The following FANCI variants were observed in gnomAD, a reference collection of about 807,000 sequenced individuals.
The protein encoded by FANCI is FA complementation group I, also known as Fanconi anemia group I protein.
A neutral mutation model predicts 176.1 loss-of-function variants in FANCI; 156 were observed. The observed-to-expected ratio is 0.89, with a 90% CI of 0.78 to 1.01. FANCI has a LOEUF of 1.01. Ranked by LOEUF, FANCI falls within the 50% of genes least tolerant of loss-of-function variation. The pLI is 0.00. For missense variants in FANCI, 1,678 were observed against 1,534.1 expected (o/e 1.09, Z -1.57); for synonymous variants, 613 against 541.7 (o/e 1.13, Z -1.83).
chr15:89,268,860 T>G (rs1410933645), intron 10 of FANCI, among the ~76,000 whole-genome samples: 1 of 152,208 alleles, frequency 6.6e-6, no homozygotes, highest in African/African-American at 2.4e-5. Flanking sequence ...AAGTAGATTA[T>G]GTGTCACTGT....
chr15:89,301,473 G>A (rs1307571842), intron 27 of FANCI, 31 bp downstream of exon 27: 1 of 1,401,106 alleles, frequency 7.1e-7, no homozygotes, highest in Admixed American at 1.7e-5. Flanking sequence ...ATCCCATTTA[G>A]CATTCCTCAG....
chr15:89,291,697 T>C lies in FANCI; in HGVS notation c.1975T>C (p.Ser659Pro), dbSNP rs2054076155. Residue 659 changes from serine to proline, a missense_variant, in exon 20 of 38, where the codon TCT (serine) becomes CCT (proline). By Grantham distance (74) the Ser-to-Pro change is moderately conservative (BLOSUM62 -1). Coordinates refer to ENST00000310775, the MANE Select transcript of FANCI (RefSeq NM_001113378.2). ...ACILTQGDKI[S>P]LQEPLDYLLC... is the part of the protein sequence containing the mutation. ...TATTCTGACCCAAGGAGATAAGATC[T>C]CTCTACAAGAACCACTGGTGAGACT... 2 of 1,613,522 alleles carry C rather than the reference T, an allele frequency of 1.2e-6. No homozygotes were observed. The highest frequency in any genetic ancestry group is 2.2e-5 in the South Asian group (2 of 91,074).
chr15:89,273,511 TAAAAA>T lies in FANCI; in HGVS notation c.975+62_975+66del, dbSNP rs34985075. On this transcript the variant is annotated intron_variant, in intron 11 of 37. Coordinates refer to ENST00000310775, the MANE Select transcript of FANCI (RefSeq NM_001113378.2). ...CCATTTTGTTTCTTTCTGTAGTTGG[TAAAAA>T]AAAAAAAAAAAAAAAAAAATCACAG... The T allele has an allele frequency of 7.5e-3, 3,550 of 473,556 alleles. 10 individuals carry two copies. Among genetic ancestry groups the T allele is most frequent in the African/African-American group, 0.025 (857 of 33,710 alleles). 29.3% of individuals were successfully genotyped at this position (473,556 alleles called of 1,614,324 possible).
intron 12 of FANCI, among the ~76,000 whole-genome samples, chr15:89,276,088 G>A (rs1273972251): frequency 6.6e-6 from 1 of 152,116 alleles, no homozygotes; most frequent in African/African-American, 2.4e-5. Context: ...AATTTAACAG[G>A]TAGATATAAT....
At position 89,282,193 on chromosome 15, in the gene FANCI, A is replaced by G. The variant is rs2053641009; in HGVS notation, c.1583+358A>G. 4 of 307,172 alleles carry G rather than the reference A, an allele frequency of 1.3e-5. No homozygotes were observed. The Admixed American group carries it at 1.3e-4, about 10-fold the overall frequency. 19.0% of individuals were successfully genotyped at this position (307,172 alleles called of 1,614,324 possible). ...GATGTCAAGTACTTTGCTCTACTAC[A>G]TTAGAATAATCTTCAGGGTAATGTT... On this transcript the variant is annotated intron_variant, in intron 16 of 37. Coordinates refer to ENST00000310775, the MANE Select transcript of FANCI (RefSeq NM_001113378.2).
At chr15:89,295,686 C>T (rs886484487) in intron 24 of FANCI, among the ~76,000 whole-genome samples, 3 of 150,802 alleles carry the variant, frequency 2.0e-5, no homozygotes, top group African/African-American at 7.3e-5. Flanking sequence ...AAAAAAAGTG[C>T]AGTCATTGAC....
At chr15:89,313,100 C>T in intron 35 of FANCI, 128 bp downstream of exon 35, 1 of 960,884 alleles carries the variant, frequency 1.0e-6, no homozygotes, top group Non-Finnish European at 1.6e-6. Flanking sequence ...CAGAATAAAT[C>T]ATCTAAAAAG....
chr15:89,310,150 T>C (rs2054897801), intron 34 of FANCI, among the ~76,000 whole-genome samples: 1 of 152,226 alleles, frequency 6.6e-6, no homozygotes, highest in South Asian at 2.1e-4. Context: ...ACACTTTTTC[T>C]GTAAAGGGCC....
chr15:89,258,108 C>T (rs541598692), intron 2 of FANCI, among the ~76,000 whole-genome samples: 1 of 152,058 alleles, frequency 6.6e-6, no homozygotes, highest in Admixed American at 6.5e-5. Flanking sequence ...CTCAAATATG[C>T]CAAGTTCTTT....
intron 3 of FANCI, among the ~76,000 whole-genome samples, chr15:89,260,161 A>G (rs769513146): frequency 3.3e-5 from 5 of 151,988 alleles, no homozygotes; most frequent in Non-Finnish European, 7.4e-5. Context: ...CACTTTTTCT[A>G]CATGATCCAG....
intron 18 of FANCI, among the ~76,000 whole-genome samples, chr15:89,289,567 A>G (rs1348302983): frequency 6.6e-6 from 1 of 151,724 alleles, no homozygotes; most frequent in Non-Finnish European, 1.5e-5. Flanking sequence ...TGGCCTTCCA[A>G]AGTGCTGGGA....
At chr15:89,300,440 G>A in intron 26 of FANCI, 55 bp downstream of exon 26, 1 of 1,490,004 alleles carries the variant, frequency 6.7e-7, no homozygotes, top group South Asian at 1.1e-5. Flanking sequence ...CAAAGGAACT[G>A]TTAGCAGGGG....
intron 27 of FANCI, among the ~76,000 whole-genome samples, chr15:89,301,817 A>AGGCAGTTGACATTC (rs1283228908): frequency 6.6e-6 from 1 of 152,220 alleles, no homozygotes; most frequent in East Asian, 1.9e-4. Context: ...ATTATGAAGA[A>AGGCAGTTGACATTC]GGCAGTTGAC....
chr15:89,263,385 TAAAG>T, intron 6 of FANCI, 30 bp from the exon 7 acceptor site: 1 of 1,588,126 alleles, frequency 6.3e-7, no homozygotes, highest in Non-Finnish European at 8.6e-7. Flanking sequence ...AAATAAGTTG[TAAAG>T]AAATAAACTT....
At chr15:89,251,336 A>G (rs1444372251) in intron 2 of FANCI, among the ~76,000 whole-genome samples, 2 of 152,232 alleles carry the variant, frequency 1.3e-5, no homozygotes, top group Admixed American at 6.5e-5. Flanking sequence ...TCGTACAAAA[A>G]CACCAGGCCC....
intron 2 of FANCI, among the ~76,000 whole-genome samples, chr15:89,250,990 A>G (rs543033590): frequency 2.0e-5 from 3 of 152,066 alleles, no homozygotes; most frequent in Non-Finnish European, 2.9e-5. Context: ...GGAAATTAAT[A>G]AAGTAGAGAA....
chr15:89,308,526 C>T (rs944994491), intron 34 of FANCI, among the ~76,000 whole-genome samples: 1 of 152,192 alleles, frequency 6.6e-6, no homozygotes, highest in African/African-American at 2.4e-5. Context: ...AGCAATGGAT[C>T]GTGACCACTT....
At chr15:89,251,314 G>A (rs952975276) in intron 2 of FANCI, among the ~76,000 whole-genome samples, 1 of 152,182 alleles carries the variant, frequency 6.6e-6, no homozygotes, top group African/African-American at 2.4e-5. Flanking sequence ...AGAAAGTTAT[G>A]AAGGAACTAC....
At chr15:89,291,218 A>G (rs887619074) in intron 19 of FANCI, among the ~76,000 whole-genome samples, 1 of 152,204 alleles carries the variant, frequency 6.6e-6, no homozygotes, top group African/African-American at 2.4e-5. Context: ...ATGATTATTA[A>G]TAATATCCTC....
Sources: allele counts gnomAD v4.1 joint callset (sites outside exome capture counted in the v4.1 genomes callset), GRCh38; gene constraint gnomAD v4.1.1; transcripts MANE v1.5; gene names NCBI Gene and HGNC (gene_info 2026-07-23, HGNC 2026-07-21).